TRDN: variants seen among roughly 807,000 people sequenced by gnomAD.
TRDN encodes triadin in skeletal muscle.
Under a neutral mutation model 149.7 loss-of-function variants are expected in TRDN, and 161 were observed. The observed-to-expected ratio is 1.08, with a 90% CI of 0.95 to 1.23. The LOEUF is 1.23. Among genes scored for constraint, TRDN ranks in the 50% most tolerant of loss-of-function variants. TRDN has a pLI of 0.00. For missense variants in TRDN, 896 were observed against 823.5 expected (o/e 1.09, Z -1.08); for synonymous variants, 294 against 250.5 (o/e 1.17, Z -1.64).
intron 12 of TRDN, among the ~76,000 whole-genome samples, chr6:123,407,260 C>A (rs1314312823): frequency 6.6e-6 from 1 of 152,154 alleles, no homozygotes; most frequent in African/African-American, 2.4e-5. Context: ...TCTGCTTATA[C>A]CAACCAAACC....
intron 7 of TRDN, among the ~76,000 whole-genome samples, chr6:123,510,642 CTTTTT>C (rs145396385): frequency 7.2e-6 from 1 of 138,476 alleles, no homozygotes. Flanking sequence ...TGCATGACCA[CTTTTT>C]TTTTTTTTTT....
At chr6:123,471,103 T>C (rs1030964842) in intron 9 of TRDN, 2 of 152,202 alleles carry the variant, frequency 1.3e-5, no homozygotes, top group Admixed American at 1.3e-4. Context: ...TGATCTTAAA[T>C]GTATGGTCAA....
chr6:123,324,655 A>G (rs1436195941), intron 23 of TRDN, among the ~76,000 whole-genome samples: 1 of 152,058 alleles, frequency 6.6e-6, no homozygotes, highest in Non-Finnish European at 1.5e-5. Context: ...GGAGCTCTAC[A>G]CTTAGAGTTG....
rs139686457 is a variant in TRDN at position 123,271,218 on chromosome 6, GA to G, written c.1673-33del. ...TAGGAAAAAATGTTAACACAAGTAG[GA>G]AATTTGAATACATCAGTGACATATT... On this transcript the variant is annotated intron_variant, in intron 29 of 40. Coordinates refer to ENST00000334268, the MANE Select transcript of TRDN (RefSeq NM_006073.4). 892 of 1,453,902 alleles carry G rather than the reference GA, an allele frequency of 6.1e-4. 8 individuals are homozygous for G. The African/African-American group carries it at 0.011, about 18-fold the overall frequency. The allele number at this position is 1,453,902 out of a possible 1,614,324, so 90.1% of individuals were successfully genotyped here. A position where few individuals can be genotyped will look rare whatever the true frequency, so the allele number is the denominator to read the frequency against.
intron 1 of TRDN, among the ~76,000 whole-genome samples, chr6:123,597,436 AT>A (rs1784089066): frequency 6.6e-6 from 1 of 152,140 alleles, no homozygotes; most frequent in Non-Finnish European, 1.5e-5. Flanking sequence ...GATTTAGAAT[AT>A]TTTATAAACT....
chr6:123,316,717 C>T (rs1779038381), intron 23 of TRDN, among the ~76,000 whole-genome samples: 1 of 151,528 alleles, frequency 6.6e-6, no homozygotes, highest in South Asian at 2.1e-4. Context: ...TTTTAAAATC[C>T]AGTTTGCAAA....
chr6:123,562,757 A>AATACTTGC (rs1213361473), intron 2 of TRDN, among the ~76,000 whole-genome samples: 1 of 152,228 alleles, frequency 6.6e-6, no homozygotes, highest in Non-Finnish European at 1.5e-5. Context: ...GAAAAAATAA[A>AATACTTGC]ATACTTGCAT....
chr6:123,309,974 A>G lies in TRDN; in HGVS notation c.1510+6483T>C, dbSNP rs1459349245. Among the ~76,000 whole-genome samples the G allele has an allele frequency of 2.0e-5, 3 of 152,068 alleles. No homozygotes were observed. In the East Asian group the frequency reaches 5.8e-4, roughly 29 times the overall value. On this transcript the variant is annotated intron_variant, in intron 24 of 40. Coordinates refer to ENST00000334268, the MANE Select transcript of TRDN (RefSeq NM_006073.4). ...ATGTAAAGATGCAATATTAAAGGAT[A>G]ACTGAATGAAATTAACTATAGTACA...
intron 12 of TRDN, among the ~76,000 whole-genome samples, chr6:123,397,832 CA>C (rs552444334): frequency 3.0e-4 from 46 of 152,096 alleles, no homozygotes; most frequent in African/African-American, 1.1e-3. Flanking sequence ...AAACAAACAA[CA>C]AAAAATGAAA....
chr6:123,388,769 T>A (rs943519575), intron 13 of TRDN, among the ~76,000 whole-genome samples: 1 of 151,946 alleles, frequency 6.6e-6, no homozygotes, highest in African/African-American at 2.4e-5. Context: ...AAGAAAAAAA[T>A]ATATGGAGTT....
intron 6 of TRDN, among the ~76,000 whole-genome samples, chr6:123,514,434 C>A (rs999078489): frequency 1.3e-5 from 2 of 151,926 alleles, no homozygotes; most frequent in Non-Finnish European, 2.9e-5. Context: ...AGATTCAAAG[C>A]CAGAAAGACC....
chr6:123,546,474 G>C (rs1429722565), intron 4 of TRDN, among the ~76,000 whole-genome samples: 1 of 152,076 alleles, frequency 6.6e-6, no homozygotes, highest in Non-Finnish European at 1.5e-5. Flanking sequence ...TATTAGGAGA[G>C]AGCAACAGAA....
chr6:123,519,648 G>A (rs1422552705), intron 5 of TRDN, among the ~76,000 whole-genome samples: 1 of 151,082 alleles, frequency 6.6e-6, no homozygotes, highest in Non-Finnish European at 1.5e-5. Flanking sequence ...TCAATTGATG[G>A]CTAGCAAATC....
Position 123,388,526 on chromosome 6 carries a change from C to T in TRDN, c.1131G>A (p.Lys377=), listed in dbSNP as rs1370845470. 1 of 1,587,270 alleles carries T rather than the reference C, an allele frequency of 6.3e-7. No individual in the cohort carries two copies. The highest frequency in any genetic ancestry group is 8.6e-7 in the Non-Finnish European group (1 of 1,164,690). The change falls in exon 14 of 41, where the codon AAG becomes AAA. Residue 377 remains lysine, a synonymous_variant. Coordinates refer to ENST00000334268, the MANE Select transcript of TRDN (RefSeq NM_006073.4). ...GGGATTTTGCATAAAACATACCTTC[C>T]TTCTTTTCATCCTTCTTAGCTGCTG... is the stretch of plus-strand genomic sequence containing the variant. The part of the protein sequence containing the change: ...AQAAAKKDEK[K]EDSKKTKKPA...
chr6:123,436,578 T>A (rs550696409), intron 12 of TRDN, among the ~76,000 whole-genome samples: 84 of 152,254 alleles, frequency 5.5e-4, no homozygotes, highest in Non-Finnish European at 1.5e-4. Context: ...ATCCTATGTA[T>A]GCTCTTCTTT....
At chr6:123,600,687 A>G (rs1394977821) in intron 1 of TRDN, among the ~76,000 whole-genome samples, 1 of 152,070 alleles carries the variant, frequency 6.6e-6, no homozygotes, top group African/African-American at 2.4e-5. Flanking sequence ...GTGTCCAAAA[A>G]TATTGACCGC....
intron 38 of TRDN, among the ~76,000 whole-genome samples, chr6:123,231,818 G>T (rs1385231644): frequency 6.6e-6 from 1 of 151,930 alleles, no homozygotes; most frequent in Non-Finnish European, 1.5e-5. Context: ...TAGGGTCCGG[G>T]ACAAGTAATA....
At chr6:123,474,514 C>T (rs961763863) in intron 9 of TRDN, among the ~76,000 whole-genome samples, 145 of 152,190 alleles carry the variant, frequency 9.5e-4, no homozygotes, top group Non-Finnish European at 1.5e-3. Context: ...TTAGACAGAT[C>T]AACAGACAGA....
At chr6:123,460,172 C>T (rs1200244361) in intron 10 of TRDN, among the ~76,000 whole-genome samples, 1 of 152,130 alleles carries the variant, frequency 6.6e-6, no homozygotes, top group Non-Finnish European at 1.5e-5. Flanking sequence ...CATGTAAAAG[C>T]TTTAGCTGTG....
Sources: allele counts gnomAD v4.1 joint callset (sites outside exome capture counted in the v4.1 genomes callset), GRCh38; gene constraint gnomAD v4.1.1; transcripts MANE v1.5; gene names NCBI Gene and HGNC (gene_info 2026-07-23, HGNC 2026-07-21).